The following KCNIP4 variants were observed in gnomAD, a reference collection of about 807,000 sequenced individuals.
The protein encoded by KCNIP4 is Kv channel-interacting protein 4.
KCNIP4 carries 12 observed loss-of-function variants against 34.0 expected under a neutral mutation model. The ratio of observed to expected loss-of-function variants is 0.35; its 90% CI spans 0.23 to 0.57. KCNIP4 has a LOEUF of 0.57. KCNIP4 is among the 20% of genes least tolerant of loss of function. The pLI is 0.83. For missense variants in KCNIP4, 238 were observed against 311.7 expected (o/e 0.76, Z 1.78); for synonymous variants, 124 against 102.2 (o/e 1.21, Z -1.29).
intron 1 of KCNIP4, among the ~76,000 whole-genome samples, chr4:21,876,911 T>C (rs1449784987): frequency 6.6e-6 from 1 of 151,892 alleles, no homozygotes; most frequent in Non-Finnish European, 1.5e-5. Context: ...ACAGGCCATG[T>C]GCAAGCCAGT....
intron 1 of KCNIP4, among the ~76,000 whole-genome samples, chr4:21,073,129 G>C (rs186606209): frequency 6.6e-6 from 1 of 152,094 alleles, no homozygotes; most frequent in Non-Finnish European, 1.5e-5. Flanking sequence ...GGCAATGTGG[G>C]CTCTTTTTTG....
intron 1 of KCNIP4, among the ~76,000 whole-genome samples, chr4:21,102,686 G>A (rs1748053875): frequency 6.6e-6 from 1 of 152,046 alleles, no homozygotes; most frequent in Non-Finnish European, 1.5e-5. Context: ...GGCTCTGATG[G>A]TAAATCTGAA....
intron 3 of KCNIP4, among the ~76,000 whole-genome samples, chr4:20,825,225 GTTTTTTTTTT>G (rs71181592): frequency 8.8e-6 from 1 of 113,636 alleles, no homozygotes. Context: ...TCAATTTTAC[GTTTTTTTTTT>G]TTTTTTTTTT....
intron 1 of KCNIP4, among the ~76,000 whole-genome samples, chr4:21,129,938 T>A (rs1381050282): frequency 6.6e-6 from 1 of 152,138 alleles, no homozygotes; most frequent in East Asian, 1.9e-4. Flanking sequence ...TATCACTGAC[T>A]CAAAGACTTC....
At chr4:21,284,757 T>C (rs77802786) in intron 1 of KCNIP4, among the ~76,000 whole-genome samples, 9 of 138,910 alleles carry the variant, frequency 6.5e-5, no homozygotes, top group East Asian at 4.2e-4. Context: ...TGTGTGTGTG[T>C]GTGCGTGTGT....
intron 3 of KCNIP4, among the ~76,000 whole-genome samples, chr4:20,822,458 C>A (rs1019334044): frequency 2.0e-5 from 3 of 152,120 alleles, no homozygotes; most frequent in African/African-American, 7.2e-5. Flanking sequence ...AAAGGGAATA[C>A]TTTTACACAG....
At chr4:21,586,181 T>C (rs1741592493) in intron 1 of KCNIP4, among the ~76,000 whole-genome samples, 1 of 152,120 alleles carries the variant, frequency 6.6e-6, no homozygotes, top group Admixed American at 6.6e-5. Flanking sequence ...AGTATCATCC[T>C]GTAGTTTTCA....
intron 1 of KCNIP4, among the ~76,000 whole-genome samples, chr4:21,659,863 A>G (rs1748299823): frequency 6.6e-6 from 1 of 152,228 alleles, no homozygotes; most frequent in African/African-American, 2.4e-5. Flanking sequence ...TGATTAATTA[A>G]TAAGAGGATG....
At chr4:21,760,390 C>T (rs1393762333) in intron 1 of KCNIP4, among the ~76,000 whole-genome samples, 1 of 152,062 alleles carries the variant, frequency 6.6e-6, no homozygotes, top group Non-Finnish European at 1.5e-5. Context: ...ATTCATGCTG[C>T]TAATTATTAA....
At chr4:21,089,681 C>A (rs1294246807) in intron 1 of KCNIP4, among the ~76,000 whole-genome samples, 2 of 152,176 alleles carry the variant, frequency 1.3e-5, no homozygotes, top group Non-Finnish European at 2.9e-5. Flanking sequence ...GCTCACTTCT[C>A]TCTCTACTGG....
chr4:21,213,655 T>C (rs1757379810), intron 1 of KCNIP4, among the ~76,000 whole-genome samples: 1 of 152,106 alleles, frequency 6.6e-6, no homozygotes, highest in Non-Finnish European at 1.5e-5. Flanking sequence ...TCCTCCAGCC[T>C]CAGCCTCCCA....
chr4:21,929,613 A>T (rs940520061), intron 1 of KCNIP4, among the ~76,000 whole-genome samples: 11 of 152,144 alleles, frequency 7.2e-5, no homozygotes, highest in Non-Finnish European at 1.5e-4. Context: ...AAACAAAATG[A>T]ACCCGCCAGT....
At chr4:21,859,634 A>T (rs1182251966) in intron 1 of KCNIP4, among the ~76,000 whole-genome samples, 2 of 152,034 alleles carry the variant, frequency 1.3e-5, no homozygotes, top group African/African-American at 4.8e-5. Context: ...TTTCAAAAAA[A>T]AAAAAGGAAT....
At chr4:20,893,595 T>A (rs974343328) in intron 1 of KCNIP4, among the ~76,000 whole-genome samples, 3 of 151,770 alleles carry the variant, frequency 2.0e-5, no homozygotes, top group Admixed American at 6.6e-5. Context: ...AGTATTTTTT[T>A]TTTTTTTTTG....
At chr4:21,733,626 A>G (rs1318389066) in intron 1 of KCNIP4, among the ~76,000 whole-genome samples, 1 of 152,122 alleles carries the variant, frequency 6.6e-6, no homozygotes, top group Non-Finnish European at 1.5e-5. Flanking sequence ...GAAGCTGTGG[A>G]ATGATGTTTT....
At chr4:21,429,399 T>A (rs1726235973) in intron 1 of KCNIP4, among the ~76,000 whole-genome samples, 1 of 152,214 alleles carries the variant, frequency 6.6e-6, no homozygotes, top group Non-Finnish European at 1.5e-5. Flanking sequence ...AAAAATATCC[T>A]GTTTCTTCCA....
intron 1 of KCNIP4, among the ~76,000 whole-genome samples, chr4:21,807,507 C>A (rs1019199735): frequency 6.6e-6 from 1 of 152,150 alleles, no homozygotes; most frequent in South Asian, 2.1e-4. Flanking sequence ...ATTATGGTTA[C>A]CTATATAATC....
intron 1 of KCNIP4, among the ~76,000 whole-genome samples, chr4:21,263,903 C>T (rs1761627640): frequency 6.6e-6 from 1 of 152,154 alleles, no homozygotes; most frequent in East Asian, 1.9e-4. Flanking sequence ...GCCTTAAGCA[C>T]CTTAGACTCC....
intron 1 of KCNIP4, among the ~76,000 whole-genome samples, chr4:21,561,552 C>T (rs1739484688): frequency 6.6e-6 from 1 of 151,862 alleles, no homozygotes; most frequent in South Asian, 2.1e-4. Flanking sequence ...TGTCTTTTTA[C>T]TTGTGGCCAT....
Sources: gnomAD v4.1 joint callset for allele counts (sites outside exome capture counted in the v4.1 genomes callset) on GRCh38, gnomAD v4.1.1 for gene constraint, MANE v1.5 for transcripts, NCBI Gene and HGNC (gene_info 2026-07-23, HGNC 2026-07-21) for gene names.